Variants in GARRE1 observed in about 807,000 individuals in gnomAD.
The protein encoded by GARRE1 is granule associated Rac and RHOG effector 1, also known as granule associated Rac and RHOG effector protein 1.
Under a neutral mutation model 103.2 loss-of-function variants are expected in GARRE1, and 49 were observed. That is an observed-to-expected ratio of 0.47 (90% CI 0.38 to 0.60). GARRE1 has a LOEUF of 0.60. GARRE1 is among the 20% of genes least tolerant of loss of function. GARRE1 has a pLI of 0.00. For missense variants in GARRE1, 1,199 were observed against 1,370.5 expected (o/e 0.87, Z 1.98); for synonymous variants, 505 against 532.8 (o/e 0.95, Z 0.72).
intron 2 of GARRE1, among the ~76,000 whole-genome samples, chr19:34,318,336 C>T (rs1200858291): frequency 6.6e-6 from 1 of 152,172 alleles, no homozygotes; most frequent in Non-Finnish European, 1.5e-5. Context: ...TTGAGTCTTA[C>T]TGTGTGCTGC....
chr19:34,277,901 A>ACCCCCC (rs57721089), intron 1 of GARRE1, among the ~76,000 whole-genome samples: 9 of 93,748 alleles, frequency 9.6e-5, no homozygotes, highest in Admixed American at 2.6e-4. Context: ...GCTTGATTTC[A>ACCCCCC]CCCCCCCCCC....
intron 3 of GARRE1, among the ~76,000 whole-genome samples, chr19:34,320,846 C>T (rs2074084096): frequency 6.6e-6 from 1 of 150,636 alleles, no homozygotes; most frequent in South Asian, 2.1e-4. Flanking sequence ...TCAGCCTCTT[C>T]CAAGTAGCTG....
At position 34,300,481 on chromosome 19, in the gene GARRE1, G is replaced by A; in HGVS notation, c.8G>A (p.Cys3Tyr). The stretch of plus-strand genomic sequence containing the variant: ...GACAATTCCCCCTCCCGCATGTATT[G>A]CTGCAGTGCCCAGGACAGTAAAATG... The part of the protein sequence containing the change: MY[C>Y]CSAQDSKMDY... Residue 3 changes from cysteine (C) to tyrosine (Y), a missense_variant, in exon 2 of 14, where the codon TGC (cysteine) becomes TAC (tyrosine). Coordinates refer to ENST00000299505, the MANE Select transcript of GARRE1 (RefSeq NM_014686.5). 1 of 1,569,540 alleles carries A rather than the reference G, an allele frequency of 6.4e-7. No individual in the cohort carries two copies. The highest frequency in any genetic ancestry group is 8.7e-7 in the Non-Finnish European group (1 of 1,153,472).
chr19:34,300,782 T>C lies in GARRE1; in HGVS notation c.309T>C (p.Thr103=). Residue 103 remains threonine (T), a synonymous_variant, in exon 2 of 14, where the codon ACT becomes ACC. Transcript: ENST00000299505. The part of the protein sequence containing the change: ...ASTFLTDLFS[T]VFRNSHYSKA... ...CTTTCCTCACAGATCTCTTCAGCAC[T>C]GTGTTCAGGAACTCTCACTACTCAA... 1 of 1,614,242 alleles carries C rather than the reference T, an allele frequency of 6.2e-7. No individual in the cohort carries two copies. The highest frequency in any genetic ancestry group is 8.5e-7 in the Non-Finnish European group (1 of 1,180,042).
chr19:34,299,169 C>A (rs937872649), intron 1 of GARRE1, among the ~76,000 whole-genome samples: 4 of 152,158 alleles, frequency 2.6e-5, no homozygotes, highest in Non-Finnish European at 5.9e-5. Context: ...CCCACCTGTC[C>A]CTTTTGCACT....
chr19:34,345,896 T>C (rs898138796), intron 10 of GARRE1, among the ~76,000 whole-genome samples: 2 of 152,220 alleles, frequency 1.3e-5, no homozygotes, highest in African/African-American at 4.8e-5. Context: ...ACCTCTTCTG[T>C]CTGTAGACTA....
At chr19:34,269,098 G>GAAAT (rs1214939717) in intron 1 of GARRE1, among the ~76,000 whole-genome samples, 2 of 152,200 alleles carry the variant, frequency 1.3e-5, no homozygotes, top group Admixed American at 6.5e-5. Context: ...CTGCTTAAAT[G>GAAAT]AAATGATCAG....
chr19:34,344,043 A>C (rs1272000395), intron 10 of GARRE1, among the ~76,000 whole-genome samples: 5 of 152,180 alleles, frequency 3.3e-5, no homozygotes, highest in Non-Finnish European at 5.9e-5. Flanking sequence ...CAATAAAATA[A>C]GTGGTCTAAG....
intron 1 of GARRE1, among the ~76,000 whole-genome samples, chr19:34,271,991 A>C (rs1200538465): frequency 1.3e-5 from 2 of 152,134 alleles, no homozygotes; most frequent in African/African-American, 4.8e-5. Flanking sequence ...GTAAGGAGGA[A>C]ATGAGAAACA....
intron 1 of GARRE1, among the ~76,000 whole-genome samples, chr19:34,280,379 C>T (rs1340896445): frequency 1.3e-5 from 2 of 152,102 alleles, no homozygotes; most frequent in African/African-American, 2.4e-5. Flanking sequence ...TTTCTTGGGG[C>T]AAAAGTCTAT....
chr19:34,285,442 G>A (rs935406834), intron 1 of GARRE1, among the ~76,000 whole-genome samples: 1 of 152,064 alleles, frequency 6.6e-6, no homozygotes, highest in Non-Finnish European at 1.5e-5. Context: ...GGCCAACGTG[G>A]TGACACCCTG....
intron 2 of GARRE1, among the ~76,000 whole-genome samples, chr19:34,302,178 C>T (rs1169679880): frequency 4.0e-4 from 58 of 145,782 alleles, no homozygotes; most frequent in Admixed American, 1.2e-3. Context: ...TTAGTAGAGA[C>T]GGGGTTTCAC....
At chr19:34,323,023 C>CTTTTTTTTTTTT (rs71165649) in intron 3 of GARRE1, among the ~76,000 whole-genome samples, 1 of 66,666 alleles carries the variant, frequency 1.5e-5, no homozygotes, top group African/African-American at 5.7e-5. Context: ...TATTTCTTTT[C>CTTTTTTTTTTTT]TTTTTTTTTT....
At chr19:34,255,718 C>G (rs1008106327) in intron 1 of GARRE1, among the ~76,000 whole-genome samples, 6 of 148,862 alleles carry the variant, frequency 4.0e-5, no homozygotes, top group African/African-American at 1.5e-4. Context: ...AGGCTGGTCT[C>G]AAAACTTCTG....
rs73028310 is a variant in GARRE1 at position 34,335,979 on chromosome 19, T to A, written c.1361+2178T>A. Among the ~76,000 whole-genome samples, 1,454 of 152,154 alleles carry A rather than the reference T, an allele frequency of 9.6e-3. 16 individuals carry two copies. Among genetic ancestry groups the A allele is most frequent in the Middle Eastern group, 0.027 (8 of 294 alleles). On this transcript the variant is annotated intron_variant, in intron 8 of 13. Coordinates refer to ENST00000299505, the MANE Select transcript of GARRE1 (RefSeq NM_014686.5). ...CCACCAAAAAGTTCTTTTATTTTTTTAAATTATTATTATTATTTTTTTTTT... is the reference window on the plus strand; with the variant it reads ...CCACCAAAAAGTTCTTTTATTTTTTAAAATTATTATTATTATTTTTTTTTT...
At chr19:34,316,417 C>G (rs1165852149) in intron 2 of GARRE1, among the ~76,000 whole-genome samples, 2 of 152,132 alleles carry the variant, frequency 1.3e-5, no homozygotes, top group African/African-American at 2.4e-5. Flanking sequence ...TTTCCACAGC[C>G]CTGGGGTCAC....
intron 10 of GARRE1, among the ~76,000 whole-genome samples, chr19:34,344,573 A>G (rs1391033803): frequency 1.3e-5 from 2 of 148,418 alleles, no homozygotes; most frequent in African/African-American, 5.0e-5. Flanking sequence ...CCTGGGCGAC[A>G]GAGCGAGACT....
chr19:34,300,692 C>T lies in GARRE1; in HGVS notation c.219C>T (p.Ile73=), dbSNP rs201207182. The T allele has an allele frequency of 1.1e-5, 18 of 1,614,134 alleles. No homozygotes were observed. The highest frequency in any genetic ancestry group is 8.9e-5 in the East Asian group (4 of 44,888). ...ATGCCATGCCCCACACTACTCCTAT[C>T]GCCGACATCCAGCAGGGCATCTCCA... ...CHHAMPHTTP[I]ADIQQGISKY... is the part of the protein sequence containing the mutation. The change falls in exon 2 of 14, where the codon ATC becomes ATT. Residue 73 remains isoleucine (I), a synonymous_variant. Coordinates refer to ENST00000299505, the MANE Select transcript of GARRE1 (RefSeq NM_014686.5).
intron 1 of GARRE1, among the ~76,000 whole-genome samples, chr19:34,272,414 G>A (rs754713358): frequency 6.6e-6 from 1 of 152,070 alleles, no homozygotes; most frequent in Non-Finnish European, 1.5e-5. Flanking sequence ...GGTCAGGCTG[G>A]TCTCAAACTC....
Sources: gnomAD v4.1 joint callset for allele counts (sites outside exome capture counted in the v4.1 genomes callset) on GRCh38, gnomAD v4.1.1 for gene constraint, MANE v1.5 for transcripts, NCBI Gene and HGNC (gene_info 2026-07-23, HGNC 2026-07-21) for gene names.